PDE1C: variants seen among roughly 807,000 people sequenced by gnomAD.
PDE1C encodes the protein phosphodiesterase 1C.
A neutral mutation model predicts 93.1 loss-of-function variants in PDE1C; 62 were observed. The ratio of observed to expected loss-of-function variants is 0.67; its 90% CI spans 0.54 to 0.82. The LOEUF is 0.82. Ranked by LOEUF, PDE1C falls within the 40% of genes least tolerant of loss-of-function variation. The pLI is 0.00. For synonymous variants in PDE1C, 325 were observed against 310.1 expected (o/e 1.05, Z -0.50); for missense variants, 742 against 884.6 (o/e 0.84, Z 2.04).
At chr7:32,348,477 G>A (rs1464574480) in intron 1 of PDE1C, among the ~76,000 whole-genome samples, 3 of 139,440 alleles carry the variant, frequency 2.2e-5, no homozygotes, top group African/African-American at 8.0e-5. Context: ...CCATTCTCCT[G>A]CCTCAGCCTC....
intron 17 of PDE1C, among the ~76,000 whole-genome samples, chr7:31,769,841 G>A (rs75928488): frequency 0.13 from 20,069 of 152,146 alleles, 1,652 homozygotes; most frequent in Non-Finnish European, 0.18. Context: ...GGTATTTTAT[G>A]TAAATGGAAT....
At chr7:32,315,142 C>G (rs1300242733) in intron 1 of PDE1C, among the ~76,000 whole-genome samples, 1 of 150,778 alleles carries the variant, frequency 6.6e-6, no homozygotes, top group Non-Finnish European at 1.5e-5. Context: ...AATAGAGTCT[C>G]AACTATGTCA....
chr7:31,732,638 CTGTGTGTG>C, the PDE1C span, among the ~76,000 whole-genome samples: 154 of 144,304 alleles, frequency 1.1e-3, 1 homozygote, highest in South Asian at 7.3e-3. Flanking sequence ...TCCTCTCTTT[CTGTGTGTG>C]TGTGTGTGTG....
intron 2 of PDE1C, among the ~76,000 whole-genome samples, chr7:32,173,756 T>C (rs530803463): frequency 7.6e-4 from 115 of 152,264 alleles, no homozygotes; most frequent in Non-Finnish European, 1.4e-3. Context: ...GCCAGCCACC[T>C]GCAGCCCACC....
chr7:31,896,024 C>CATACATACAT (rs1240320596), intron 2 of PDE1C, among the ~76,000 whole-genome samples: 1 of 33,448 alleles, frequency 3.0e-5, no homozygotes, highest in Non-Finnish European at 9.2e-5. Context: ...CATACATACA[C>CATACATACAT]ACACAAACAC....
chr7:32,388,073 C>A (rs1784676489), intron 1 of PDE1C, among the ~76,000 whole-genome samples: 1 of 152,104 alleles, frequency 6.6e-6, no homozygotes, highest in Non-Finnish European at 1.5e-5. Context: ...GGCTATTGTG[C>A]TGGAGAAATA....
chr7:32,176,870 A>AGG (rs1803029289), intron 2 of PDE1C, among the ~76,000 whole-genome samples: 2 of 152,192 alleles, frequency 1.3e-5, no homozygotes, highest in Non-Finnish European at 2.9e-5. Context: ...GGAGACAGAA[A>AGG]ATACAAACAG....
chr7:32,274,925 T>A (rs973687115), intron 1 of PDE1C, among the ~76,000 whole-genome samples: 1 of 152,260 alleles, frequency 6.6e-6, no homozygotes, highest in Admixed American at 6.5e-5. Flanking sequence ...AGTACAAATA[T>A]ATTTCATGAC....
chr7:31,726,320 A>G, the PDE1C span, among the ~76,000 whole-genome samples: 2 of 152,190 alleles, frequency 1.3e-5, no homozygotes, highest in Non-Finnish European at 2.9e-5. Flanking sequence ...GGCCTCCCAA[A>G]GTGCTGGGAT....
intron 14 of PDE1C, among the ~76,000 whole-genome samples, chr7:31,818,229 A>G (rs1788507342): frequency 6.6e-6 from 1 of 152,198 alleles, no homozygotes; most frequent in Non-Finnish European, 1.5e-5. Flanking sequence ...TGTGCATGTA[A>G]AGTATAATGT....
chr7:31,734,350 AG>A, the PDE1C span, among the ~76,000 whole-genome samples: 7 of 152,174 alleles, frequency 4.6e-5, no homozygotes, highest in Admixed American at 4.6e-4. Flanking sequence ...AACCTGCAAA[AG>A]CCACACAGAA....
chr7:31,984,092 G>A (rs1783061579), intron 2 of PDE1C, among the ~76,000 whole-genome samples: 2 of 152,172 alleles, frequency 1.3e-5, no homozygotes, highest in South Asian at 2.1e-4. Context: ...TAGAGGTGGA[G>A]AGGAAAGGGC....
chr7:32,234,994 A>AC (rs1807969192), intron 1 of PDE1C, among the ~76,000 whole-genome samples: 3 of 152,078 alleles, frequency 2.0e-5, no homozygotes, highest in Admixed American at 2.0e-4. Flanking sequence ...ACAGCCTAAA[A>AC]AGAAAAGCCA....
At chr7:32,105,592 G>A (rs1798258286) in intron 3 of PDE1C, among the ~76,000 whole-genome samples, 1 of 152,100 alleles carries the variant, frequency 6.6e-6, no homozygotes, top group African/African-American at 2.4e-5. Flanking sequence ...CAGAATGTTG[G>A]CAGATAAGCG....
intron 2 of PDE1C, among the ~76,000 whole-genome samples, chr7:31,968,529 A>G (rs1810395545): frequency 6.6e-6 from 1 of 152,104 alleles, no homozygotes; most frequent in Non-Finnish European, 1.5e-5. Context: ...AAATGGCCAT[A>G]CTGCCCAAGG....
intron 3 of PDE1C, among the ~76,000 whole-genome samples, chr7:32,084,012 A>C (rs1214449233): frequency 6.6e-6 from 1 of 151,516 alleles, no homozygotes; most frequent in African/African-American, 2.4e-5. Flanking sequence ...TATTAACTTT[A>C]AATGTAAATG....
chr7:32,337,478 A>G (rs889680233), intron 1 of PDE1C, among the ~76,000 whole-genome samples: 4 of 152,252 alleles, frequency 2.6e-5, no homozygotes, highest in Admixed American at 6.5e-5. Context: ...ACTGCTATAC[A>G]TCTTTATCTG....
chr7:31,658,555 A>G, the PDE1C span: 1 of 431,868 alleles, frequency 2.3e-6, no homozygotes. Flanking sequence ...ACGTAATTTC[A>G]AATTGTAATT....
the PDE1C span, among the ~76,000 whole-genome samples, chr7:31,703,400 CA>C: frequency 6.6e-6 from 1 of 152,052 alleles, no homozygotes; most frequent in Non-Finnish European, 1.5e-5. Flanking sequence ...CCTATTGAAT[CA>C]AAAATGTTTA....
Sources: allele counts gnomAD v4.1 joint callset (sites outside exome capture counted in the v4.1 genomes callset), GRCh38; gene constraint gnomAD v4.1.1; transcripts MANE v1.5; gene names NCBI Gene and HGNC (gene_info 2026-07-23, HGNC 2026-07-21).